SPG11: variants seen among roughly 807,000 people sequenced by gnomAD.
The protein encoded by SPG11 is spatacsin.
In SPG11, 222 loss-of-function variants were observed where a neutral mutation model predicts 274.0. The observed-to-expected ratio is 0.81, with a 90% confidence interval of 0.73 to 0.91. SPG11 has a LOEUF of 0.91. Ranked by LOEUF, SPG11 falls within the 40% of genes least tolerant of loss-of-function variation. SPG11 has a pLI of 0.00. For missense variants in SPG11, 3,114 were observed against 2,872.7 expected (o/e 1.08, Z -1.92); for synonymous variants, 1,144 against 1,039.7 (o/e 1.10, Z -1.93).
At chr15:44,633,758 G>T in intron 7 of SPG11, 121 bp from the exon 8 acceptor site, 1 of 979,964 alleles carries the variant, frequency 1.0e-6, no homozygotes, top group Non-Finnish European at 1.6e-6. Context: ...GCAAAAGACT[G>T]CATGAGTACA....
At chr15:44,645,345 G>A (rs1157972339) in intron 7 of SPG11, among the ~76,000 whole-genome samples, 1 of 152,132 alleles carries the variant, frequency 6.6e-6, no homozygotes, top group Non-Finnish European at 1.5e-5. Context: ...TTTCCACAAA[G>A]TTGACAAAAA....
intron 7 of SPG11, among the ~76,000 whole-genome samples, chr15:44,641,854 C>T (rs1026114139): frequency 6.7e-6 from 1 of 149,584 alleles, no homozygotes; most frequent in African/African-American, 2.5e-5. Flanking sequence ...CTGCTTTCAC[C>T]CTAGAGACGC....
At chr15:44,580,816 A>G (rs1305118367) in intron 30 of SPG11, among the ~76,000 whole-genome samples, 1 of 152,166 alleles carries the variant, frequency 6.6e-6, no homozygotes, top group African/African-American at 2.4e-5. Context: ...AAACTGAACA[A>G]AACTTCAAGG....
intron 19 of SPG11, 139 bp downstream of exon 19, chr15:44,608,305 T>C (rs1252085086): frequency 1.2e-5 from 11 of 917,652 alleles, no homozygotes; most frequent in Non-Finnish European, 1.9e-5. Context: ...CACTATCACA[T>C]TTGGTTTCCC....
Position 44,584,404 on chromosome 15 carries a change from G to A in SPG11, c.5276C>T (p.Ala1759Val), listed in dbSNP as rs1256390469. The A allele has an allele frequency of 5.0e-6, 8 of 1,614,090 alleles. No individual in the cohort carries two copies. The South Asian group carries it at 8.8e-5, about 18-fold the overall frequency. ...SSFFSTQAHV[A>V]CEHPTGWSSM... ...GCTCCATCCAGTTGGGTGCTCACAT[G>A]CCACATGGGCCTGGGTTGAGAAAAA... The change falls in exon 30 of 40, where the codon GCA becomes GTA. Residue 1759 changes from alanine to valine, a missense_variant. Physicochemically the swap from Ala to Val is moderately conservative, Grantham distance 64. Coordinates refer to ENST00000261866, the MANE Select transcript of SPG11 (RefSeq NM_025137.4).
At chr15:44,580,421 A>G (rs910760372) in intron 30 of SPG11, among the ~76,000 whole-genome samples, 2 of 152,240 alleles carry the variant, frequency 1.3e-5, no homozygotes, top group Non-Finnish European at 2.9e-5. Context: ...TTTTAAAATC[A>G]TAGAAATAAA....
At chr15:44,624,056 C>T (rs188038272) in intron 11 of SPG11, among the ~76,000 whole-genome samples, 57 of 152,082 alleles carry the variant, frequency 3.7e-4, no homozygotes, top group African/African-American at 1.3e-3. Context: ...CCACTGCACT[C>T]GGCTCAGAGA....
At chr15:44,610,531 C>T (rs1176400740) in intron 18 of SPG11, among the ~76,000 whole-genome samples, 4 of 151,996 alleles carry the variant, frequency 2.6e-5, no homozygotes, top group African/African-American at 4.8e-5. Flanking sequence ...TACAGGCGTG[C>T]GCCAAGACGC....
chr15:44,647,000 G>A (rs373683832), intron 7 of SPG11, among the ~76,000 whole-genome samples: 7 of 152,158 alleles, frequency 4.6e-5, no homozygotes, highest in African/African-American at 1.7e-4. Flanking sequence ...ATTTTAAAAA[G>A]GTGAAATAAC....
At chr15:44,630,488 AAGC>A (rs1185977552) in intron 8 of SPG11, among the ~76,000 whole-genome samples, 4 of 152,210 alleles carry the variant, frequency 2.6e-5, no homozygotes, top group Non-Finnish European at 4.4e-5. Context: ...CTATAAATTT[AAGC>A]AGTTTTTAAA....
intron 13 of SPG11, 130 bp downstream of exon 13, chr15:44,622,090 G>T: frequency 3.2e-6 from 4 of 1,237,528 alleles, no homozygotes; most frequent in Non-Finnish European, 4.6e-6. Context: ...CCTTCTGTCT[G>T]ATACAAGTTT....
intron 4 of SPG11, among the ~76,000 whole-genome samples, chr15:44,656,199 A>C (rs192210234): frequency 2.6e-5 from 4 of 152,348 alleles, no homozygotes; most frequent in African/African-American, 9.6e-5. Context: ...GGGCTCATGA[A>C]AAATCACTGT....
At position 44,610,963 on chromosome 15, in the gene SPG11, A is replaced by T; in HGVS notation, c.3168T>A (p.Ala1056=). ...NLTDPKLIFQ[A]SLANAQILIP... ...TCAAAATCTGAGCATTTGCAAGGCTAGCCTGGAAGATCAGTTTGGGATCTG... is the reference window on the plus strand; with the variant it reads ...TCAAAATCTGAGCATTTGCAAGGCTTGCCTGGAAGATCAGTTTGGGATCTG... Residue 1056 remains alanine, a synonymous_variant, in exon 18 of 40, where the codon GCT becomes GCA. Coordinates refer to ENST00000261866, the MANE Select transcript of SPG11 (RefSeq NM_025137.4). The T allele has an allele frequency of 6.2e-7, 1 of 1,614,078 alleles. No individual in the cohort carries two copies. Among genetic ancestry groups the T allele is most frequent in the Non-Finnish European group, 8.5e-7 (1 of 1,180,010 alleles).
chr15:44,612,756 T>C (rs1238180706), intron 17 of SPG11, among the ~76,000 whole-genome samples: 3 of 152,030 alleles, frequency 2.0e-5, no homozygotes, highest in Non-Finnish European at 4.4e-5. Flanking sequence ...AATGAACATA[T>C]ATTACTTCAT....
chr15:44,601,634 T>G (rs2083192261), intron 20 of SPG11, among the ~76,000 whole-genome samples: 1 of 151,106 alleles, frequency 6.6e-6, no homozygotes, highest in African/African-American at 2.4e-5. Context: ...CTCAGCTCAC[T>G]GCAACTTCCG....
chr15:44,590,200 C>T (rs1310217565), intron 27 of SPG11, among the ~76,000 whole-genome samples: 2 of 152,236 alleles, frequency 1.3e-5, no homozygotes, highest in African/African-American at 2.4e-5. Flanking sequence ...ACGTGCCTAA[C>T]ATTACTTCGC....
chr15:44,641,586 TACACACACACACACACAC>T (rs147901004), intron 7 of SPG11, among the ~76,000 whole-genome samples: 111 of 112,486 alleles, frequency 9.9e-4, no homozygotes, highest in African/African-American at 2.3e-3. Context: ...CCAAATATCT[TACACACACACACACACAC>T]ACACACACAC....
chr15:44,638,604 A>T (rs1372824003), intron 7 of SPG11, among the ~76,000 whole-genome samples: 4 of 152,010 alleles, frequency 2.6e-5, no homozygotes, highest in Non-Finnish European at 5.9e-5. Context: ...CAGAAAGTGA[A>T]TAATTTCTAA....
chr15:44,579,839 A>C (rs1227830193), intron 30 of SPG11, among the ~76,000 whole-genome samples: 1 of 152,208 alleles, frequency 6.6e-6, no homozygotes, highest in Admixed American at 6.5e-5. Flanking sequence ...ATCCTGTAAG[A>C]TTATAATAGA....
Sources: allele counts gnomAD v4.1 joint callset (sites outside exome capture counted in the v4.1 genomes callset), GRCh38; gene constraint gnomAD v4.1.1; transcripts MANE v1.5; gene names NCBI Gene and HGNC (gene_info 2026-07-23, HGNC 2026-07-21).